Variants in EPM2A observed in about 807,000 individuals in gnomAD.
EPM2A encodes EPM2A glucan phosphatase, laforin, also known as laforin.
In EPM2A, 21 loss-of-function variants were observed where a neutral mutation model predicts 26.5. The ratio of observed to expected loss-of-function variants is 0.79; its 90% CI spans 0.56 to 1.14. EPM2A has a LOEUF of 1.14. Among genes scored for constraint, EPM2A ranks in the 50% most tolerant of loss-of-function variants. The probability of loss-of-function intolerance (pLI) is 0.00; values close to 1 mark genes in which losing one functional copy is unlikely to be tolerated. For missense variants in EPM2A, 458 were observed against 440.8 expected, an observed-to-expected ratio of 1.04 and a Z score of -0.35; for synonymous variants, 217 against 177.6, an observed-to-expected ratio of 1.22 and a Z score of -1.76.
chr6:145,673,053 C>T (rs2128601166), intron 2 of EPM2A, among the ~76,000 whole-genome samples: 1 of 151,102 alleles, frequency 6.6e-6, no homozygotes, highest in African/African-American at 2.4e-5. Flanking sequence ...TTGAGACAAA[C>T]CGAAGAGAAA....
intron 4 of EPM2A, among the ~76,000 whole-genome samples, chr6:145,418,917 A>G (rs1386870925): frequency 6.6e-6 from 1 of 152,180 alleles, no homozygotes; most frequent in East Asian, 1.9e-4. Context: ...TACGTTTACC[A>G]AAGTCTGTTT....
At chr6:145,577,829 A>T (rs915685760) in intron 2 of EPM2A, among the ~76,000 whole-genome samples, 1 of 152,126 alleles carries the variant, frequency 6.6e-6, no homozygotes, top group Non-Finnish European at 1.5e-5. Flanking sequence ...ATTTCAAAAA[A>T]AATTGAAATT....
At chr6:145,432,719 G>A (rs1276670240) in intron 4 of EPM2A, among the ~76,000 whole-genome samples, 2 of 152,128 alleles carry the variant, frequency 1.3e-5, no homozygotes, top group African/African-American at 4.8e-5. Context: ...CCTCACAAGA[G>A]TCAACCTGTC....
chr6:145,732,407 CACACATATAT>C (rs1365256734), intron 1 of EPM2A, among the ~76,000 whole-genome samples: 4 of 78,872 alleles, frequency 5.1e-5, no homozygotes, highest in South Asian at 2.9e-4. Context: ...GAAACACACA[CACACATATAT>C]ATATATATAT....
chr6:145,385,530 G>T (rs1454073851), intron 4 of EPM2A, among the ~76,000 whole-genome samples: 10 of 152,108 alleles, frequency 6.6e-5, no homozygotes, highest in Admixed American at 6.5e-4. Flanking sequence ...GGTTGTGATT[G>T]ATTTGTTTTT....
intron 2 of EPM2A, among the ~76,000 whole-genome samples, chr6:145,541,674 T>C (rs1263508127): frequency 1.3e-5 from 2 of 152,098 alleles, no homozygotes; most frequent in African/African-American, 4.8e-5. Context: ...TTTTAATGAC[T>C]GAATGAAGCA....
downstream of EPM2A, among the ~76,000 whole-genome samples, chr6:145,624,236 A>T (rs543345302): frequency 6.6e-5 from 10 of 152,246 alleles, no homozygotes; most frequent in African/African-American, 2.4e-4. Flanking sequence ...AAATAAGTGG[A>T]CACAGCACAT....
intron 2 of EPM2A, among the ~76,000 whole-genome samples, chr6:145,593,153 A>G (rs1175652692): frequency 6.6e-6 from 1 of 152,144 alleles, no homozygotes; most frequent in Non-Finnish European, 1.5e-5. Flanking sequence ...TAAAGAGTAT[A>G]TATTAATTTC....
At chr6:145,640,533 T>C (rs1777014219) in intron 2 of EPM2A, 3 of 152,158 alleles carry the variant, frequency 2.0e-5, no homozygotes, top group Admixed American at 2.0e-4. Context: ...AGAAAATCGA[T>C]TTTGCTGAAG....
chr6:145,713,037 T>C (rs546739561), intron 1 of EPM2A, among the ~76,000 whole-genome samples: 6 of 152,346 alleles, frequency 3.9e-5, no homozygotes, highest in East Asian at 3.9e-4. Context: ...GGAAGTTACA[T>C]TGAGAAATAA....
intron 2 of EPM2A, among the ~76,000 whole-genome samples, chr6:145,505,734 C>T (rs1779963359): frequency 6.6e-6 from 1 of 151,862 alleles, no homozygotes; most frequent in Admixed American, 6.6e-5. Context: ...ACTGTAGGAC[C>T]ATATATGTCC....
chr6:145,673,666 T>C (rs969644564), intron 2 of EPM2A, among the ~76,000 whole-genome samples: 2 of 152,184 alleles, frequency 1.3e-5, no homozygotes, highest in Non-Finnish European at 2.9e-5. Context: ...CGGAGCCTTG[T>C]TGACTGCTAG....
intron 2 of EPM2A, among the ~76,000 whole-genome samples, chr6:145,535,054 C>T (rs1299928807): frequency 6.6e-6 from 1 of 152,164 alleles, no homozygotes; most frequent in South Asian, 2.1e-4. Context: ...ATCTCCTTCC[C>T]AGGTAATTTA....
At chr6:145,649,252 C>T (rs1456278199) in intron 2 of EPM2A, among the ~76,000 whole-genome samples, 1 of 152,122 alleles carries the variant, frequency 6.6e-6, no homozygotes, top group African/African-American at 2.4e-5. Context: ...CCTGGCTCCA[C>T]TAAGTATGTC....
intron 1 of EPM2A, among the ~76,000 whole-genome samples, chr6:145,720,736 C>T (rs1207792664): frequency 6.6e-6 from 1 of 152,188 alleles, no homozygotes; most frequent in Non-Finnish European, 1.5e-5. Context: ...TTCTTCCTAA[C>T]ATACAGAGTT....
downstream of EPM2A, among the ~76,000 whole-genome samples, chr6:145,498,748 G>A (rs187870144): frequency 1.3e-5 from 2 of 152,230 alleles, no homozygotes; most frequent in African/African-American, 4.8e-5. Context: ...TGAAGGTGCT[G>A]TATTTTCTGC....
chr6:145,442,870 T>G (rs1779082840), intron 4 of EPM2A, among the ~76,000 whole-genome samples: 1 of 152,018 alleles, frequency 6.6e-6, no homozygotes, highest in African/African-American at 2.4e-5. Flanking sequence ...TTACTATTTT[T>G]TTTTTTTTGA....
At chr6:145,405,799 T>C (rs1286032273) in intron 4 of EPM2A, among the ~76,000 whole-genome samples, 1 of 152,150 alleles carries the variant, frequency 6.6e-6, no homozygotes, top group East Asian at 1.9e-4. Context: ...ATAGCTGTTT[T>C]CCAGGACATC....
intron 1 of EPM2A, among the ~76,000 whole-genome samples, chr6:145,710,342 T>G (rs1407448645): frequency 1.3e-5 from 2 of 152,180 alleles, no homozygotes; most frequent in East Asian, 1.9e-4. Context: ...AACGAAGACA[T>G]TTATGCAGCC....
Sources: allele counts gnomAD v4.1 joint callset (sites outside exome capture counted in the v4.1 genomes callset), GRCh38; gene constraint gnomAD v4.1.1; transcripts MANE v1.5; gene names NCBI Gene and HGNC (gene_info 2026-07-23, HGNC 2026-07-21).